The following SLC14A2 variants were observed in gnomAD, a reference collection of about 807,000 sequenced individuals.
SLC14A2 encodes the protein solute carrier family 14 member 2.
In SLC14A2, 91 loss-of-function variants were observed where a neutral mutation model predicts 104.6. That is an observed-to-expected ratio of 0.87 (90% CI 0.73 to 1.04). The LOEUF (loss-of-function observed/expected upper bound fraction) is 1.04, where lower values mean the gene tolerates loss of function less well. Ranked by LOEUF, SLC14A2 falls within the 50% of genes least tolerant of loss-of-function variation. SLC14A2 has a pLI of 0.00. For synonymous variants in SLC14A2, 476 were observed against 466.4 expected (o/e 1.02, Z -0.27); for missense variants, 1,189 against 1,156.0 (o/e 1.03, Z -0.41).
intron 1 of SLC14A2, among the ~76,000 whole-genome samples, chr18:45,437,552 G>A (rs1288648980): frequency 6.6e-6 from 1 of 152,144 alleles, no homozygotes; most frequent in East Asian, 1.9e-4. Flanking sequence ...CCACCCTCAT[G>A]TCATGCGGTC....
intron 1 of SLC14A2, among the ~76,000 whole-genome samples, chr18:45,233,980 TAAAG>T (rs2084201525): frequency 6.6e-6 from 1 of 151,830 alleles, no homozygotes; most frequent in African/African-American, 2.4e-5. Flanking sequence ...TAATAATAGA[TAAAG>T]AAAGACCACC....
At chr18:45,624,903 G>GTGCT in intron 2 of SLC14A2, 89 bp downstream of exon 2, 2 of 1,363,894 alleles carry the variant, frequency 1.5e-6, no homozygotes, top group Non-Finnish European at 1.0e-6. Context: ...CCTTCCCAGT[G>GTGCT]AACTTAGCAC....
Position 45,235,861 on chromosome 18 carries a change from ATG to A in SLC14A2, c.-125+22676_-125+22677del, listed in dbSNP as rs543206378. Among the ~76,000 whole-genome samples, 62 of 97,226 alleles carry A rather than the reference ATG, an allele frequency of 6.4e-4. 5 individuals are homozygous for A. Among genetic ancestry groups the A allele is most frequent in the African/African-American group, 2.5e-3 (49 of 19,822 alleles). The allele number at this position is 97,226 out of a possible 152,430, so 63.8% of individuals were successfully genotyped here. On this transcript the variant is annotated intron_variant, in intron 1 of 20. Coordinates refer to the SLC14A2 transcript ENST00000586448. ...TATATATATATGTATATATACATATATGTGTGTATATATGTATATATACATAT... is the reference window on the plus strand; with the variant it reads ...TATATATATATGTATATATACATATATGTGTATATATGTATATATACATAT...
intron 2 of SLC14A2, among the ~76,000 whole-genome samples, chr18:45,486,021 T>C (rs1406226274): frequency 6.6e-6 from 1 of 152,148 alleles, no homozygotes; most frequent in Non-Finnish European, 1.5e-5. Flanking sequence ...TCCCCTACTT[T>C]CTTAGGGAAA....
At chr18:45,330,614 G>T (rs1419715449) in intron 1 of SLC14A2, among the ~76,000 whole-genome samples, 2 of 152,200 alleles carry the variant, frequency 1.3e-5, no homozygotes, top group African/African-American at 4.8e-5. Flanking sequence ...TCATGAGTTA[G>T]CACACATAGA....
intron 1 of SLC14A2, among the ~76,000 whole-genome samples, chr18:45,231,652 C>A (rs1207360444): frequency 6.6e-6 from 1 of 152,194 alleles, no homozygotes; most frequent in Non-Finnish European, 1.5e-5. Context: ...TGTCTTCATG[C>A]CATCCATTAC....
At chr18:45,264,441 T>C (rs893768699) in intron 1 of SLC14A2, among the ~76,000 whole-genome samples, 5 of 152,212 alleles carry the variant, frequency 3.3e-5, no homozygotes, top group Admixed American at 1.3e-4. Flanking sequence ...TCACAGTATT[T>C]TTACGTAGTT....
chr18:45,367,679 A>G (rs8099082), intron 1 of SLC14A2, among the ~76,000 whole-genome samples: 61,233 of 152,010 alleles, frequency 0.4, 14,389 homozygotes, highest in African/African-American at 0.66. Context: ...TCACATTGGT[A>G]GCTTAATATT....
intron 1 of SLC14A2, among the ~76,000 whole-genome samples, chr18:45,277,203 A>G (rs1253250595): frequency 6.6e-6 from 1 of 152,234 alleles, no homozygotes; most frequent in Admixed American, 6.5e-5. Flanking sequence ...GCTACATATT[A>G]GCTGTATGAC....
rs1192190342 is a variant in SLC14A2, at chr18:45,236,495, A to G, written c.-125+23304A>G. Among the ~76,000 whole-genome samples, 5 of 87,232 alleles carry G rather than the reference A, an allele frequency of 5.7e-5. 2 individuals are homozygous for G. Among genetic ancestry groups the G allele is most frequent in the African/African-American group, 2.6e-4 (5 of 19,066 alleles). The allele number at this position is 87,232 out of a possible 152,430, so 57.2% of individuals were successfully genotyped here. ...TACATGTATGTGTGTATATATGTGT[A>G]TATATACATGTATGTGTGTATATAT... On this transcript the variant is annotated intron_variant, in intron 1 of 20. Coordinates refer to the SLC14A2 transcript ENST00000586448.
At chr18:45,554,369 A>G (rs1377599342) in intron 2 of SLC14A2, among the ~76,000 whole-genome samples, 1 of 152,218 alleles carries the variant, frequency 6.6e-6, no homozygotes, top group African/African-American at 2.4e-5. Flanking sequence ...CCTTTCAGGC[A>G]AGACCTAATG....
rs775990703 is a variant in SLC14A2 at position 45,639,784 on chromosome 18, T to C, written c.882T>C (p.Tyr294=). The change falls in exon 7 of 20, where the codon TAT becomes TAC. Residue 294 remains tyrosine (Y), a synonymous_variant. Transcript: ENST00000255226. ...QAIPVGVGQV[Y]GCDNPWTGGV... is the part of the protein sequence containing the mutation. ...TCCCTGTTGGGGTCGGCCAGGTGTA[T>C]GGCTGTGACAATCCCTGGACAGGCG... is the stretch of plus-strand genomic sequence containing the variant. 3 of 1,614,040 alleles carry C rather than the reference T, an allele frequency of 1.9e-6. No homozygotes were observed. The highest frequency in any genetic ancestry group is 1.7e-5 in the Admixed American group (1 of 60,020).
chr18:45,462,112 A>C (rs1002170092), intron 1 of SLC14A2, among the ~76,000 whole-genome samples: 1 of 152,100 alleles, frequency 6.6e-6, no homozygotes, highest in Non-Finnish European at 1.5e-5. Context: ...AAAACCAATC[A>C]ATGTTTCTGT....
intron 1 of SLC14A2, among the ~76,000 whole-genome samples, chr18:45,621,347 C>T (rs2045165721): frequency 1.3e-5 from 2 of 151,938 alleles, no homozygotes; most frequent in Non-Finnish European, 2.9e-5. Context: ...TTAGTTAGAT[C>T]TGAATGACAT....
Position 45,673,608 on chromosome 18 carries a change from G to T in SLC14A2, c.2378-75G>T, listed in dbSNP as rs2046177489. The T allele has an allele frequency of 1.5e-5, 23 of 1,531,590 alleles. 1 individual carries two copies. The South Asian group carries it at 2.6e-4, about 17-fold the overall frequency. The allele number at this position is 1,531,590 out of a possible 1,614,324, so 94.9% of individuals were successfully genotyped here. A position where few individuals can be genotyped will look rare whatever the true frequency, so the allele number is the denominator to read the frequency against. ...TAACTGGCTCCGGGCTTTGAGGACT[G>T]TGGTAGGTTTCAGGGCCAGCAGATG... On this transcript the variant is annotated intron_variant, in intron 17 of 19. Transcript: ENST00000255226.
At chr18:45,398,013 G>T (rs2086055045) in intron 1 of SLC14A2, among the ~76,000 whole-genome samples, 1 of 152,124 alleles carries the variant, frequency 6.6e-6, no homozygotes. Flanking sequence ...AGGTTAGGAA[G>T]TAATATTTAT....
chr18:45,494,967 T>A (rs2043068478), intron 2 of SLC14A2, among the ~76,000 whole-genome samples: 1 of 149,636 alleles, frequency 6.7e-6, no homozygotes, highest in African/African-American at 2.5e-5. Flanking sequence ...CTCCATAATA[T>A]AAGCTTTGGG....
intron 2 of SLC14A2, among the ~76,000 whole-genome samples, chr18:45,497,967 A>G (rs2043128443): frequency 6.6e-6 from 1 of 152,204 alleles, no homozygotes; most frequent in African/African-American, 2.4e-5. Context: ...AAGCCTTTAG[A>G]CAAGCTTCAA....
chr18:45,386,759 C>T (rs748473491), intron 1 of SLC14A2, among the ~76,000 whole-genome samples: 1 of 152,118 alleles, frequency 6.6e-6, no homozygotes, highest in Non-Finnish European at 1.5e-5. Context: ...TGTGGGACCT[C>T]AAACTGTTGA....
Sources: allele counts gnomAD v4.1 joint callset (sites outside exome capture counted in the v4.1 genomes callset), GRCh38; gene constraint gnomAD v4.1.1; transcripts MANE v1.5; gene names NCBI Gene and HGNC (gene_info 2026-07-23, HGNC 2026-07-21).